OR56A1: variants seen among roughly 807,000 people sequenced by gnomAD.
OR56A1 encodes the protein olfactory receptor family 56 subfamily A member 1, also known as olfactory receptor 56A1.
For missense variants in OR56A1, 360 were observed against 380.9 expected (o/e 0.94, Z 0.46); for synonymous variants, 174 against 159.1 (o/e 1.09, Z -0.70).
rs942905516 is a variant in OR56A1, at chr11:6,020,364, C to G, written c.*6384G>C. The G allele has an allele frequency of 2.6e-5, 4 of 152,010 alleles. No individual in the cohort carries two copies. Among genetic ancestry groups the G allele is most frequent in the Non-Finnish European group, 4.4e-5 (3 of 67,926 alleles). The allele number at this position is 152,010 out of a possible 1,614,324, so 9.4% of individuals were successfully genotyped here. ...GTAAAGAATGTCATTGGTAGTTTGA[C>G]TGGAATAGCATTGAATCTGTAAATT... On this transcript the variant is annotated 3_prime_UTR_variant, in exon 2 of 2. Transcript: ENST00000641900.
Position 6,020,947 on chromosome 11 carries a change from T to C in OR56A1, c.*5801A>G, listed in dbSNP as rs1848389738. On this transcript the variant is annotated 3_prime_UTR_variant, in exon 2 of 2. Transcript: ENST00000641900. ...TGGAGGTCAAAAGTTAAGAGAAAAT[T>C]TTAGAATTTCTTTGAGTAAAGAAGA... The C allele has an allele frequency of 6.6e-6, 1 of 152,004 alleles. No homozygotes were observed. Among genetic ancestry groups the C allele is most frequent in the Non-Finnish European group, 1.5e-5 (1 of 67,924 alleles). 9.4% of individuals were successfully genotyped at this position (152,004 alleles called of 1,614,324 possible).
At chr11:6,029,626 A>G (rs1848493678) in intron 1 of OR56A1, among the ~76,000 whole-genome samples, 1 of 151,674 alleles carries the variant, frequency 6.6e-6, no homozygotes, top group African/African-American at 2.4e-5. Flanking sequence ...TCCTTGAAAC[A>G]CTCTCTTTGG....
chr11:6,033,056 A>G (rs1564817743), upstream of OR56A1, among the ~76,000 whole-genome samples: 1 of 152,056 alleles, frequency 6.6e-6, no homozygotes, highest in Non-Finnish European at 1.5e-5. Flanking sequence ...TGCTCCTCAG[A>G]TGACATTTGT....
rs1848403134 is a variant in OR56A1, at chr11:6,022,155, G to A, written c.*4593C>T. ...TATGATCAAGGCTCTTTTGCAAGCAGCTGGATCTATGTGAGGAGTCTGGCC... is the reference window on the plus strand; with the variant it reads ...TATGATCAAGGCTCTTTTGCAAGCAACTGGATCTATGTGAGGAGTCTGGCC... On this transcript the variant is annotated 3_prime_UTR_variant, in exon 2 of 2. Transcript: ENST00000641900. 1 of 152,126 alleles carries A rather than the reference G, an allele frequency of 6.6e-6. No individual in the cohort carries two copies. The highest frequency in any genetic ancestry group is 6.6e-5 in the Admixed American group (1 of 15,260). The allele number at this position is 152,126 out of a possible 1,614,324, so 9.4% of individuals were successfully genotyped here.
At position 6,026,392 on chromosome 11, in the gene OR56A1, G is replaced by C. The variant is rs1304727852; in HGVS notation, c.*356C>G. ...TTTCAACTATGTAGAAAGAGCCTAG[G>C]TTTTATTGTTTTTGCTTCCCACATA... On this transcript the variant is annotated 3_prime_UTR_variant, in exon 2 of 2. Coordinates refer to ENST00000641900, the MANE Select transcript of OR56A1 (RefSeq NM_001388488.1). 1 of 192,060 alleles carries C rather than the reference G, an allele frequency of 5.2e-6. No individual in the cohort carries two copies. Among genetic ancestry groups the C allele is most frequent in the Non-Finnish European group, 1.1e-5 (1 of 92,744 alleles). 11.9% of individuals were successfully genotyped at this position (192,060 alleles called of 1,614,324 possible).
At position 6,023,441 on chromosome 11, in the gene OR56A1, C is replaced by T. The variant is rs2133599930; in HGVS notation, c.*3307G>A. The T allele has an allele frequency of 6.6e-6, 1 of 152,292 alleles. No individual in the cohort carries two copies. Among genetic ancestry groups the T allele is most frequent in the Admixed American group, 6.5e-5 (1 of 15,288 alleles). The allele number at this position is 152,292 out of a possible 1,614,324, so 9.4% of individuals were successfully genotyped here. Reference sequence around the variant, plus strand: ...CAACATAGGGTCCCTTCTTTTTCCACCTTAATTCCAGAGGACTTGCTATTC... The same window carrying T: ...CAACATAGGGTCCCTTCTTTTTCCATCTTAATTCCAGAGGACTTGCTATTC... On this transcript the variant is annotated 3_prime_UTR_variant, in exon 2 of 2. Transcript: ENST00000641900.
rs1848443813 is a variant in OR56A1 at position 6,026,048 on chromosome 11, A to C, written c.*700T>G. The stretch of plus-strand genomic sequence containing the variant: ...GGGAAAGTGGCCAACACAATGTCCT[A>C]GTCAGCTTTCCTGTTTCCTACTCTC... On this transcript the variant is annotated 3_prime_UTR_variant, in exon 2 of 2. Coordinates refer to ENST00000641900, the MANE Select transcript of OR56A1 (RefSeq NM_001388488.1). 2 of 152,230 alleles carry C rather than the reference A, an allele frequency of 1.3e-5. No individual in the cohort carries two copies. Among genetic ancestry groups the C allele is most frequent in the Non-Finnish European group, 1.5e-5 (1 of 68,056 alleles). 9.4% of individuals were successfully genotyped at this position (152,230 alleles called of 1,614,324 possible).
rs1848409688 is a variant in OR56A1, at chr11:6,022,774, TC to T, written c.*3973del. 1 of 152,174 alleles carries T rather than the reference TC, an allele frequency of 6.6e-6. No individual in the cohort carries two copies. Among genetic ancestry groups the T allele is most frequent in the Non-Finnish European group, 1.5e-5 (1 of 68,006 alleles). The allele number at this position is 152,174 out of a possible 1,614,324, so 9.4% of individuals were successfully genotyped here. On this transcript the variant is annotated 3_prime_UTR_variant, in exon 2 of 2. Coordinates refer to ENST00000641900, the MANE Select transcript of OR56A1 (RefSeq NM_001388488.1). ...CCATAATCTCTCTAAAACTTAGTTT[TC>T]CTGTATGTTCAGAGTGCTAATCACA...
chr11:6,031,572 T>C (rs1010215735), upstream of OR56A1, among the ~76,000 whole-genome samples: 2 of 152,088 alleles, frequency 1.3e-5, no homozygotes, highest in Non-Finnish European at 2.9e-5. Flanking sequence ...ACAGAACTTA[T>C]TGACAGATTT....
At chr11:6,027,806 C>A (rs1460062608) in intron 1 of OR56A1, 80 bp from the exon 2 acceptor site, 13 of 876,824 alleles carry the variant, frequency 1.5e-5, no homozygotes, top group Non-Finnish European at 2.1e-5. Flanking sequence ...CTTTAGGAAG[C>A]CAATGATAGG....
chr11:6,023,372 G>T lies in OR56A1; in HGVS notation c.*3376C>A, dbSNP rs189480256. On this transcript the variant is annotated 3_prime_UTR_variant, in exon 2 of 2. Transcript: ENST00000641900. ...TGTGATAAATGGAAAGTGTAGTATTGTTCCCTCAACAATACTTAGGTGTTT... is the reference window on the plus strand; with the variant it reads ...TGTGATAAATGGAAAGTGTAGTATTTTTCCCTCAACAATACTTAGGTGTTT... 4 of 152,268 alleles carry T rather than the reference G, an allele frequency of 2.6e-5. No homozygotes were observed. The highest frequency in any genetic ancestry group is 6.5e-5 in the Admixed American group (1 of 15,298). The allele number at this position is 152,268 out of a possible 1,614,324, so 9.4% of individuals were successfully genotyped here.
At position 6,024,580 on chromosome 11, in the gene OR56A1, C is replaced by CT. The variant is rs1297027547; in HGVS notation, c.*2167dup. ...CTATGAATTATATCCTATTAGATTC[C>CT]TTTTTAAAAACTCACTTTTATGATC... On this transcript the variant is annotated 3_prime_UTR_variant, in exon 2 of 2. Transcript: ENST00000641900. 1.3e-5 allele frequency: 2 copies of CT among 152,082 alleles called. No homozygotes were observed. Among genetic ancestry groups the CT allele is most frequent in the African/African-American group, 4.8e-5 (2 of 41,414 alleles). The allele number at this position is 152,082 out of a possible 1,614,324, so 9.4% of individuals were successfully genotyped here. A position where few individuals can be genotyped will look rare whatever the true frequency, so the allele number is the denominator to read the frequency against.
chr11:6,029,702 C>T (rs148064992), intron 1 of OR56A1, among the ~76,000 whole-genome samples: 5 of 152,178 alleles, frequency 3.3e-5, no homozygotes, highest in Admixed American at 6.5e-5. Flanking sequence ...CTCATTTTCT[C>T]GAACACATCC....
At chr11:6,032,763 G>A (rs554825038), upstream of OR56A1, among the ~76,000 whole-genome samples, 5 of 152,206 alleles carry the variant, frequency 3.3e-5, no homozygotes, top group East Asian at 9.6e-4. Context: ...CTTACTTGAT[G>A]AAAAAGCCCT....
chr11:6,033,140 C>T (rs143000688), upstream of OR56A1, among the ~76,000 whole-genome samples: 10 of 152,054 alleles, frequency 6.6e-5, no homozygotes, highest in Non-Finnish European at 1.2e-4. Context: ...GCTCTACTGC[C>T]TGAATGAGCC....
chr11:6,031,992 T>C (rs1848517263), upstream of OR56A1, among the ~76,000 whole-genome samples: 1 of 152,084 alleles, frequency 6.6e-6, no homozygotes, highest in Non-Finnish European at 1.5e-5. Context: ...GGGGAAAATT[T>C]CAAGAAGGGT....
chr11:6,030,509 G>T (rs1339617879), intron 1 of OR56A1, among the ~76,000 whole-genome samples, 193 bp downstream of exon 1: 1 of 151,904 alleles, frequency 6.6e-6, no homozygotes, highest in African/African-American at 2.4e-5. Flanking sequence ...GGGAGGGAGG[G>T]GAGGAAGGAA....
Position 6,020,751 on chromosome 11 carries a change from A to G in OR56A1, c.*5997T>C, listed in dbSNP as rs1848387026. 1 of 152,096 alleles carries G rather than the reference A, an allele frequency of 6.6e-6. No individual in the cohort carries two copies. The highest frequency in any genetic ancestry group is 2.4e-5 in the African/African-American group (1 of 41,426). 9.4% of individuals were successfully genotyped at this position (152,096 alleles called of 1,614,324 possible). A position where few individuals can be genotyped will look rare whatever the true frequency, so the allele number is the denominator to read the frequency against. ...TATATATAGAATCATGTCATCTGCA[A>G]ACAGAGACAGTTTGACTTCATGTCT... On this transcript the variant is annotated 3_prime_UTR_variant, in exon 2 of 2. Transcript: ENST00000641900.
chr11:6,031,249 G>A (rs1848509520), upstream of OR56A1, among the ~76,000 whole-genome samples: 1 of 152,100 alleles, frequency 6.6e-6, no homozygotes, highest in Admixed American at 6.6e-5. Context: ...GAAAGAAAGA[G>A]CCAAAAATGG....
Sources: gnomAD v4.1 joint callset for allele counts (sites outside exome capture counted in the v4.1 genomes callset) on GRCh38, gnomAD v4.1.1 for gene constraint, MANE v1.5 for transcripts, NCBI Gene and HGNC (gene_info 2026-07-23, HGNC 2026-07-21) for gene names.